Variants in CLDN1 observed in about 807,000 individuals in gnomAD.
The protein encoded by CLDN1 is claudin-1.
A neutral mutation model predicts 22.6 loss-of-function variants in CLDN1; 12 were observed. The ratio of observed to expected loss-of-function variants is 0.53; its 90% CI spans 0.34 to 0.86. CLDN1 has a LOEUF of 0.86. Among genes scored for constraint, CLDN1 ranks in the 40% least tolerant of loss-of-function variants. The pLI is 0.02. For synonymous variants in CLDN1, 99 were observed against 103.8 expected, an observed-to-expected ratio of 0.95 and a Z score of 0.28; for missense variants, 250 against 269.5, an observed-to-expected ratio of 0.93 and a Z score of 0.51.
At chr3:190,313,374 T>C (rs766682211) in intron 1 of CLDN1, among the ~76,000 whole-genome samples, 18 of 152,242 alleles carry the variant, frequency 1.2e-4, no homozygotes, top group Non-Finnish European at 2.5e-4. Context: ...GGGATTTTCA[T>C]CCTTGCTAAG....
chr3:190,319,440 C>G (rs1451657662), intron 1 of CLDN1, among the ~76,000 whole-genome samples: 1 of 152,190 alleles, frequency 6.6e-6, no homozygotes, highest in Non-Finnish European at 1.5e-5. Flanking sequence ...TTGGCAAGAA[C>G]TACCTAAAAG....
At chr3:190,313,554 T>A (rs1229501184) in intron 1 of CLDN1, among the ~76,000 whole-genome samples, 3 of 152,192 alleles carry the variant, frequency 2.0e-5, no homozygotes, top group Non-Finnish European at 4.4e-5. Flanking sequence ...GTTTTATAGA[T>A]TATCATGGCT....
chr3:190,315,068 T>G (rs1716729629), intron 1 of CLDN1, among the ~76,000 whole-genome samples: 4 of 152,230 alleles, frequency 2.6e-5, no homozygotes, highest in Admixed American at 1.3e-4. Flanking sequence ...AGGTATGTCC[T>G]CTTTCTGATG....
At chr3:190,309,003 G>C (rs1335851062) in intron 3 of CLDN1, among the ~76,000 whole-genome samples, 1 of 152,132 alleles carries the variant, frequency 6.6e-6, no homozygotes, top group Non-Finnish European at 1.5e-5. Context: ...CACTTAGGGT[G>C]GGGTATCTGT....
In CLDN1 at chr3:190,308,290, T is replaced by G. The variant is rs762849414; in HGVS notation, c.623A>C (p.Lys208Thr). The change falls in exon 4 of 4, where the codon AAA becomes ACA. Residue 208 changes from lysine to threonine, a missense_variant. Coordinates refer to ENST00000295522, the MANE Select transcript of CLDN1 (RefSeq NM_021101.5). Reference protein sequence around the residue: ...PYPKPAPSSGKDYV With the variant: ...PYPKPAPSSGTDYV ...TTTGCCTCTGTGTCACACGTAGTCT[T>G]TCCCGCTGGAAGGTGCAGGTTTTGG... is the stretch of plus-strand genomic sequence containing the variant. The G allele has an allele frequency of 6.2e-7, 1 of 1,613,726 alleles. No homozygotes were observed.
At position 190,322,016 on chromosome 3, in the gene CLDN1, C is replaced by G. The variant is rs755467541; in HGVS notation, c.191G>C (p.Cys64Ser). 6.2e-7 allele frequency: 1 copy of G among 1,614,206 alleles called. No individual in the cohort carries two copies. The highest frequency in any genetic ancestry group is 8.5e-7 in the Non-Finnish European group (1 of 1,180,034). ...ATTCAGCAAGGAGTCAAAGACTTTG[C>G]ACTGGATCTGCCCGGTGCTCTGCGA... ...CVSQSTGQIQ[C>S]KVFDSLLNLS... The change falls in exon 1 of 4, where the codon TGC (cysteine) becomes TCC (serine). Residue 64 changes from cysteine (C) to serine (S), a missense_variant. Cys to Ser is a moderately radical substitution (Grantham distance 112). Transcript: ENST00000295522.
At chr3:190,317,935 G>A (rs1716813627) in intron 1 of CLDN1, among the ~76,000 whole-genome samples, 1 of 152,218 alleles carries the variant, frequency 6.6e-6, no homozygotes, top group Non-Finnish European at 1.5e-5. Flanking sequence ...AGTATTAAGT[G>A]AATAAATGAA....
intron 1 of CLDN1, among the ~76,000 whole-genome samples, chr3:190,316,780 C>G (rs774338746): frequency 6.6e-5 from 10 of 152,126 alleles, no homozygotes; most frequent in Non-Finnish European, 1.3e-4. Context: ...CTTTAAAAAT[C>G]TGTACCAATA....
chr3:190,322,252 A>C lies in CLDN1; in HGVS notation c.-46T>G. On this transcript the variant is annotated 5_prime_UTR_variant, in exon 1 of 4. Transcript: ENST00000295522. ...CTGGCTCAGGGGTGGCAGGTGCAGA[A>C]GGCGGAGAGTTTGCAGGTGGGCAAC... The C allele has an allele frequency of 6.3e-7, 1 of 1,577,364 alleles. No individual in the cohort carries two copies. The highest frequency in any genetic ancestry group is 2.2e-5 in the East Asian group (1 of 44,482).
intron 1 of CLDN1, 54 bp downstream of exon 1, chr3:190,321,927 GAGC>G (rs1716932133): frequency 7.5e-7 from 1 of 1,326,398 alleles, no homozygotes; most frequent in Non-Finnish European, 1.1e-6. Context: ...GCCCATAAGG[GAGC>G]TGCAGGGGGA....
chr3:190,309,441 T>C (rs1232018846), intron 3 of CLDN1, among the ~76,000 whole-genome samples: 1 of 152,170 alleles, frequency 6.6e-6, no homozygotes, highest in Non-Finnish European at 1.5e-5. Flanking sequence ...ACTGAGGTTT[T>C]TCATCCATTC....
At position 190,322,190 on chromosome 3, in the gene CLDN1, A is replaced by C. The variant is rs761705050; in HGVS notation, c.17T>G (p.Leu6Arg). The change falls in exon 1 of 4, where the codon CTG becomes CGG. Residue 6 changes from leucine (L) to arginine (R), a missense_variant. By Grantham distance (102) the Leu-to-Arg change is moderately radical (BLOSUM62 -2). Transcript: ENST00000295522. ...GGCGAGAATGAAGCCCAACAGCTGC[A>C]GCCCCGCGTTGGCCATGACTCGCTC... MANAG[L>R]QLLGFILAFL... 6.2e-7 allele frequency: 1 copy of C among 1,613,926 alleles called. No individual in the cohort carries two copies. The highest frequency in any genetic ancestry group is 1.1e-5 in the South Asian group (1 of 91,082).
At chr3:190,308,562 C>T in intron 3 of CLDN1, 123 bp from the exon 4 acceptor site, 3 of 916,258 alleles carry the variant, frequency 3.3e-6, no homozygotes, top group Non-Finnish European at 5.2e-6. Context: ...CCTGAATATC[C>T]CTTGGGAAGT....
chr3:190,318,589 T>C (rs1473602979), intron 1 of CLDN1, among the ~76,000 whole-genome samples: 1 of 152,244 alleles, frequency 6.6e-6, no homozygotes, highest in Non-Finnish European at 1.5e-5. Context: ...CTCACCATTA[T>C]ACACTTGGCT....
In CLDN1 at chr3:190,322,350, G is replaced by A; in HGVS notation, c.-144C>T. On this transcript the variant is annotated 5_prime_UTR_variant, in exon 1 of 4. Transcript: ENST00000295522. ...GAGCCCTGCTCGCTGCGCCGCCGCT[G>A]GAGAAGCTCTGGGTCGGGGTTGGGG... 1.3e-6 allele frequency: 1 copy of A among 770,020 alleles called. No individual in the cohort carries two copies. Among genetic ancestry groups the A allele is most frequent in the South Asian group, 1.6e-5 (1 of 63,754 alleles). 47.7% of individuals were successfully genotyped at this position (770,020 alleles called of 1,614,324 possible).
intron 1 of CLDN1, among the ~76,000 whole-genome samples, chr3:190,321,139 C>T (rs1315179704): frequency 6.6e-6 from 1 of 152,166 alleles, no homozygotes; most frequent in African/African-American, 2.4e-5. Flanking sequence ...CTCTCACTGC[C>T]TTCCACTCCC....
Position 190,315,001 on chromosome 3 carries a change from T to C in CLDN1, c.224-1965A>G, listed in dbSNP as rs1577390119. Among the ~76,000 whole-genome samples, 4 of 152,252 alleles carry C rather than the reference T, an allele frequency of 2.6e-5. No homozygotes were observed. In the South Asian group the frequency reaches 8.3e-4, roughly 32 times the overall value. Reference sequence around the variant, plus strand: ...TAAGGTTATTACACAACTTTTTCCTTGGAATCACAAGCCATACTGTGGTAT... The same window carrying C: ...TAAGGTTATTACACAACTTTTTCCTCGGAATCACAAGCCATACTGTGGTAT... On this transcript the variant is annotated intron_variant, in intron 1 of 3. Transcript: ENST00000295522.
In CLDN1 at chr3:190,322,143, T is replaced by G. The variant is rs1013392226; in HGVS notation, c.64A>C (p.Ile22Leu). ...CACTGGGGCAGGGCAGTGCTGACGA[T>G]GGCGCCGATCCATCCCAGGAAGGCG... The part of the protein sequence containing the change: ...ILAFLGWIGA[I>L]VSTALPQWRI... Residue 22 changes from isoleucine (I) to leucine (L), a missense_variant, in exon 1 of 4, where the codon ATC (isoleucine) becomes CTC (leucine). Coordinates refer to ENST00000295522, the MANE Select transcript of CLDN1 (RefSeq NM_021101.5). 1 of 1,614,164 alleles carries G rather than the reference T, an allele frequency of 6.2e-7. No individual in the cohort carries two copies. The highest frequency in any genetic ancestry group is 1.3e-5 in the African/African-American group (1 of 75,054).
Position 190,310,153 on chromosome 3 carries a change from G to T in CLDN1, c.473+16C>A. 3.7e-6 allele frequency: 6 copies of T among 1,602,410 alleles called. No homozygotes were observed. Among genetic ancestry groups the T allele is most frequent in the Non-Finnish European group, 5.1e-6 (6 of 1,169,562 alleles). On this transcript the variant is annotated intron_variant, in intron 3 of 3. Transcript: ENST00000295522. Reference sequence around the variant, plus strand: ...TTTCTCAGAAAACAAACTATTTTACGCCTGAATAGCGTTACCTGGCATTGA... The same window carrying T: ...TTTCTCAGAAAACAAACTATTTTACTCCTGAATAGCGTTACCTGGCATTGA...
Sources: allele counts gnomAD v4.1 joint callset (sites outside exome capture counted in the v4.1 genomes callset), GRCh38; gene constraint gnomAD v4.1.1; transcripts MANE v1.5; gene names NCBI Gene and HGNC (gene_info 2026-07-23, HGNC 2026-07-21).